Variants in CD96 observed in about 807,000 individuals in gnomAD.
CD96 encodes the protein T-cell surface protein tactile.
In CD96, 70 loss-of-function variants were observed where a neutral mutation model predicts 71.3. The observed-to-expected ratio is 0.98, with a 90% confidence interval of 0.81 to 1.20. CD96 has a LOEUF of 1.20. Ranked by LOEUF, CD96 falls within the 50% of genes most tolerant of loss-of-function variation. CD96 has a pLI of 0.00. For missense variants in CD96, 742 were observed against 677.5 expected (o/e 1.10, Z -1.06); for synonymous variants, 248 against 233.0 (o/e 1.06, Z -0.59).
intron 13 of CD96, 123 bp from the exon 14 acceptor site, chr3:111,649,575 G>A (rs1190042648): frequency 4.1e-6 from 3 of 725,192 alleles, no homozygotes; most frequent in South Asian, 2.9e-5. Context: ...GAAAGAACTG[G>A]GAGAGTATGT....
intron 5 of CD96, among the ~76,000 whole-genome samples, chr3:111,586,365 A>C (rs192621668): frequency 4.8e-4 from 73 of 152,356 alleles, no homozygotes; most frequent in African/African-American, 1.7e-3. Flanking sequence ...ACTGAATATT[A>C]GTCATTTAAT....
At chr3:111,621,477 A>AT (rs903045225) in intron 8 of CD96, among the ~76,000 whole-genome samples, 7 of 152,038 alleles carry the variant, frequency 4.6e-5, no homozygotes, top group Non-Finnish European at 8.8e-5. Flanking sequence ...CTTCTATATA[A>AT]TTTTTACCTT....
chr3:111,630,322 G>A (rs912952747), intron 10 of CD96, among the ~76,000 whole-genome samples: 4 of 151,772 alleles, frequency 2.6e-5, no homozygotes, highest in African/African-American at 7.3e-5. Context: ...ATTATAAGAG[G>A]GATATTACCA....
chr3:111,583,975 G>T (rs34915839), intron 4 of CD96, among the ~76,000 whole-genome samples: 90,898 of 152,050 alleles, frequency 0.6, 28,129 homozygotes, highest in Non-Finnish European at 0.68. Flanking sequence ...CCTAGAAAAT[G>T]GGTTTCTCTT....
At chr3:111,553,269 C>T (rs1358623668) in intron 2 of CD96, among the ~76,000 whole-genome samples, 1 of 150,590 alleles carries the variant, frequency 6.6e-6, no homozygotes. Flanking sequence ...TGTTATTTTT[C>T]CTTTGCGATA....
chr3:111,655,513 C>G (rs974408027), downstream of CD96, among the ~76,000 whole-genome samples: 1 of 152,016 alleles, frequency 6.6e-6, no homozygotes, highest in Non-Finnish European at 1.5e-5. Flanking sequence ...ATGAGAAATA[C>G]TTTTAAAGGC....
At position 111,600,317 on chromosome 3, in the gene CD96, A is replaced by T. The variant is rs117921688; in HGVS notation, c.899-409A>T. 1.1e-4 allele frequency among the ~76,000 whole-genome samples: 17 copies of T among 152,324 alleles called. No homozygotes were observed. The East Asian group carries it at 3.3e-3, about 29-fold the overall frequency. Reference sequence around the variant, plus strand: ...CCCAACTGAGATTGCTTTATATTTTACTGGTCACTTAGGTATATTCCTGCA... The same window carrying T: ...CCCAACTGAGATTGCTTTATATTTTTCTGGTCACTTAGGTATATTCCTGCA... On this transcript the variant is annotated intron_variant, in intron 6 of 13. Transcript: ENST00000352690.
chr3:111,600,640 C>A, intron 6 of CD96, 86 bp from the exon 7 acceptor site: 1 of 1,032,978 alleles, frequency 9.7e-7, no homozygotes, highest in South Asian at 1.3e-5. Context: ...TACATTACCA[C>A]AAATTGATCA....
Position 111,641,410 on chromosome 3 carries a change from A to G in CD96, c.1477+3242A>G, listed in dbSNP as rs1015656563. Among the ~76,000 whole-genome samples the G allele has an allele frequency of 2.0e-5, 3 of 152,264 alleles. No individual in the cohort carries two copies. In the East Asian group the frequency reaches 5.8e-4, roughly 29 times the overall value. ...GGTTAAAAAAGACAAAGAGGACAGTATATAATGGTAAAAGGCCTTGTCTAA... is the reference window on the plus strand; with the variant it reads ...GGTTAAAAAAGACAAAGAGGACAGTGTATAATGGTAAAAGGCCTTGTCTAA... On this transcript the variant is annotated intron_variant, in intron 12 of 13. Coordinates refer to ENST00000352690, the MANE Select transcript of CD96 (RefSeq NM_005816.5).
chr3:111,581,318 C>T (rs995399118), intron 4 of CD96, among the ~76,000 whole-genome samples: 12 of 152,126 alleles, frequency 7.9e-5, no homozygotes, highest in African/African-American at 2.9e-4. Flanking sequence ...AGGTGTTACC[C>T]AAGTATATAT....
intron 2 of CD96, among the ~76,000 whole-genome samples, chr3:111,549,160 C>T (rs1576299984): frequency 6.6e-6 from 1 of 151,962 alleles, no homozygotes; most frequent in Non-Finnish European, 1.5e-5. Flanking sequence ...CTCCCCTCCC[C>T]TCTCTTCCCC....
intron 7 of CD96, among the ~76,000 whole-genome samples, 198 bp from the exon 8 acceptor site, chr3:111,606,502 G>A (rs1937628513): frequency 6.6e-6 from 1 of 152,192 alleles, no homozygotes; most frequent in East Asian, 1.9e-4. Context: ...CTAGTTTCCA[G>A]GCCATAGGCC....
At chr3:111,649,674 G>T in intron 13 of CD96, 24 bp from the exon 14 acceptor site, 1 of 1,434,470 alleles carries the variant, frequency 7.0e-7, no homozygotes, top group South Asian at 1.1e-5. Context: ...TCTTAGCATT[G>T]AAAGACCAAT....
At chr3:111,627,638 C>A (rs1455550906) in intron 10 of CD96, among the ~76,000 whole-genome samples, 1 of 152,222 alleles carries the variant, frequency 6.6e-6, no homozygotes, top group Non-Finnish European at 1.5e-5. Flanking sequence ...AGCACAGCTG[C>A]TCTACCAAAA....
downstream of CD96, among the ~76,000 whole-genome samples, chr3:111,654,259 G>T (rs148373005): frequency 0.011 from 1,678 of 152,250 alleles, 13 homozygotes; most frequent in Non-Finnish European, 0.019. Flanking sequence ...GAGAATTGGG[G>T]AATCAAGGCA....
chr3:111,569,966 G>A (rs1377997581), intron 3 of CD96, among the ~76,000 whole-genome samples: 1 of 151,930 alleles, frequency 6.6e-6, no homozygotes, highest in Non-Finnish European at 1.5e-5. Flanking sequence ...TTCTCCCAAG[G>A]CTGGGGCCGT....
intron 4 of CD96, chr3:111,579,444 A>C: frequency 1.6e-6 from 1 of 638,630 alleles, no homozygotes; most frequent in Non-Finnish European, 2.9e-6. Flanking sequence ...GAATAAAATC[A>C]TACAGAAGCC....
At chr3:111,605,959 C>T (rs923372905) in intron 7 of CD96, among the ~76,000 whole-genome samples, 2 of 152,108 alleles carry the variant, frequency 1.3e-5, no homozygotes, top group Non-Finnish European at 2.9e-5. Flanking sequence ...CACATTTAAC[C>T]CACATGTTCC....
intron 5 of CD96, among the ~76,000 whole-genome samples, chr3:111,596,830 C>A (rs1004917009): frequency 1.3e-5 from 2 of 152,088 alleles, no homozygotes; most frequent in Admixed American, 6.6e-5. Context: ...TATGTATCCC[C>A]ATTATCTGGA....
Sources: allele counts gnomAD v4.1 joint callset (sites outside exome capture counted in the v4.1 genomes callset), GRCh38; gene constraint gnomAD v4.1.1; transcripts MANE v1.5; gene names NCBI Gene and HGNC (gene_info 2026-07-23, HGNC 2026-07-21).